CTNNA2: variants seen among roughly 807,000 people sequenced by gnomAD.
CTNNA2 encodes catenin alpha 2, also known as catenin alpha-2.
In CTNNA2, 42 loss-of-function variants were observed where a neutral mutation model predicts 101.0. The ratio of observed to expected loss-of-function variants is 0.42; its 90% CI spans 0.32 to 0.54. CTNNA2 has a LOEUF of 0.54. Ranked by LOEUF, CTNNA2 falls within the 20% of genes least tolerant of loss-of-function variation. CTNNA2 has a pLI of 0.14. For missense variants in CTNNA2, 871 were observed against 1,223.1 expected (o/e 0.71, Z 4.29); for synonymous variants, 450 against 456.4 (o/e 0.99, Z 0.18).
intron 7 of CTNNA2, among the ~76,000 whole-genome samples, chr2:80,275,586 A>G (rs538545318): frequency 2.3e-4 from 35 of 152,150 alleles, no homozygotes; most frequent in Non-Finnish European, 4.3e-4. Context: ...GGAGTTGTTG[A>G]TATTGTTAAT....
At chr2:80,565,664 A>G (rs1161866671) in intron 12 of CTNNA2, among the ~76,000 whole-genome samples, 1 of 152,102 alleles carries the variant, frequency 6.6e-6, no homozygotes. Flanking sequence ...AGAAGCATTT[A>G]CTATGGCTCT....
intron 2 of CTNNA2, among the ~76,000 whole-genome samples, chr2:79,239,752 G>A (rs1454332282): frequency 1.3e-5 from 2 of 152,164 alleles, no homozygotes; most frequent in African/African-American, 4.8e-5. Flanking sequence ...TCATTGTCAT[G>A]AACAGGCAAC....
intron 2 of CTNNA2, among the ~76,000 whole-genome samples, chr2:79,263,293 G>T (rs1024155107): frequency 2.6e-5 from 4 of 152,108 alleles, no homozygotes; most frequent in Non-Finnish European, 4.4e-5. Flanking sequence ...GAATGGCTTG[G>T]TGCTGTCCTC....
intron 12 of CTNNA2, among the ~76,000 whole-genome samples, chr2:80,557,985 G>A (rs184975614): frequency 6.6e-6 from 1 of 152,012 alleles, no homozygotes; most frequent in Non-Finnish European, 1.5e-5. Flanking sequence ...CTTAACTAAA[G>A]GCACCTTTCT....
At chr2:80,215,947 AAGCCTC>A (rs1708239572) in intron 7 of CTNNA2, among the ~76,000 whole-genome samples, 1 of 152,018 alleles carries the variant, frequency 6.6e-6, no homozygotes, top group Non-Finnish European at 1.5e-5. Context: ...TTTCCTACTC[AAGCCTC>A]AGCAATGGCA....
intron 4 of CTNNA2, among the ~76,000 whole-genome samples, chr2:79,863,722 GGCACTCTAGGGA>G (rs1681816613): frequency 6.6e-6 from 1 of 152,150 alleles, no homozygotes; most frequent in Non-Finnish European, 1.5e-5. Context: ...GCTGGCATAG[GGCACTCTAGGGA>G]GGACCCCACC....
chr2:80,419,735 A>G (rs1680353528), intron 9 of CTNNA2, 134 bp downstream of exon 9: 6 of 899,228 alleles, frequency 6.7e-6, no homozygotes, highest in Non-Finnish European at 9.6e-6. Flanking sequence ...TCTTTCCTTT[A>G]CTTTCTGATT....
At chr2:79,612,461 T>TA (rs1678343017) in intron 1 of CTNNA2, among the ~76,000 whole-genome samples, 1 of 152,182 alleles carries the variant, frequency 6.6e-6, no homozygotes, top group Non-Finnish European at 1.5e-5. Flanking sequence ...ACCTGCTTTA[T>TA]AGAATCCTCC....
intron 6 of CTNNA2, among the ~76,000 whole-genome samples, chr2:79,890,501 C>A (rs1459277879): frequency 2.0e-5 from 3 of 152,020 alleles, no homozygotes; most frequent in Non-Finnish European, 4.4e-5. Flanking sequence ...TATGAAAGGA[C>A]CAGGAAAACA....
intron 5 of CTNNA2, among the ~76,000 whole-genome samples, chr2:79,507,194 C>T (rs543666995): frequency 6.6e-5 from 10 of 152,222 alleles, no homozygotes; most frequent in Admixed American, 2.0e-4. Flanking sequence ...AAAACTATCA[C>T]GAAAGTCTCT....
At chr2:80,306,307 C>T (rs1291940934) in intron 7 of CTNNA2, among the ~76,000 whole-genome samples, 1 of 152,154 alleles carries the variant, frequency 6.6e-6, no homozygotes, top group Non-Finnish European at 1.5e-5. Flanking sequence ...AAACTGAGGC[C>T]AAGAGACATC....
intron 3 of CTNNA2, among the ~76,000 whole-genome samples, chr2:79,360,920 T>C (rs892454174): frequency 5.3e-5 from 8 of 152,132 alleles, no homozygotes; most frequent in African/African-American, 1.7e-4. Flanking sequence ...TAAAATGCTA[T>C]ATGAATGTAT....
chr2:79,961,387 T>C (rs1034874737), intron 7 of CTNNA2, among the ~76,000 whole-genome samples: 3 of 152,182 alleles, frequency 2.0e-5, no homozygotes, highest in Non-Finnish European at 2.9e-5. Context: ...GATTCCCTTA[T>C]TACCAGCCTC....
At chr2:79,486,227 C>T (rs1671156149) in intron 4 of CTNNA2, among the ~76,000 whole-genome samples, 2 of 139,296 alleles carry the variant, frequency 1.4e-5, no homozygotes, top group Non-Finnish European at 3.1e-5. Flanking sequence ...CTCCCCCCTT[C>T]CCCCACCCCA....
chr2:79,986,373 C>CT (rs1208252034), intron 7 of CTNNA2, among the ~76,000 whole-genome samples: 1 of 152,144 alleles, frequency 6.6e-6, no homozygotes, highest in Non-Finnish European at 1.5e-5. Flanking sequence ...ACTCTTGGCC[C>CT]TACCTACGGC....
intron 4 of CTNNA2, among the ~76,000 whole-genome samples, chr2:79,464,501 T>C (rs1180281372): frequency 6.6e-6 from 1 of 152,182 alleles, no homozygotes; most frequent in African/African-American, 2.4e-5. Context: ...ATATACCCAG[T>C]AATGGGATGG....
intron 3 of CTNNA2, among the ~76,000 whole-genome samples, chr2:79,359,580 C>A (rs113869872): frequency 6.6e-6 from 1 of 152,112 alleles, no homozygotes; most frequent in African/African-American, 2.4e-5. Context: ...AGGAGGAAAA[C>A]CCCTTCATGG....
At chr2:79,638,923 C>G (rs1680264051) in intron 1 of CTNNA2, among the ~76,000 whole-genome samples, 1 of 152,180 alleles carries the variant, frequency 6.6e-6, no homozygotes, top group Admixed American at 6.5e-5. Context: ...CCTTGACTCT[C>G]CATCCTAGAG....
chr2:79,886,807 T>G, intron 6 of CTNNA2, among the ~76,000 whole-genome samples: 1 of 136,876 alleles, frequency 7.3e-6, no homozygotes, highest in African/African-American at 2.8e-5. Flanking sequence ...ACTTGTGGGG[T>G]TTTTGTTGTT....
Sources: gnomAD v4.1 joint callset for allele counts (sites outside exome capture counted in the v4.1 genomes callset) on GRCh38, gnomAD v4.1.1 for gene constraint, MANE v1.5 for transcripts, NCBI Gene and HGNC (gene_info 2026-07-23, HGNC 2026-07-21) for gene names.